Variants in POLR2F observed in about 807,000 individuals in gnomAD.
The protein encoded by POLR2F is DNA-directed RNA polymerases I, II, and III subunit RPABC2.
Under a neutral mutation model 22.7 loss-of-function variants are expected in POLR2F, and 12 were observed. That is an observed-to-expected ratio of 0.53 (90% confidence interval 0.34 to 0.86). POLR2F has a LOEUF of 0.86. POLR2F is among the 40% of genes least tolerant of loss of function. The pLI, the probability that POLR2F is intolerant of heterozygous loss-of-function variation, is 0.02. For missense variants in POLR2F, 126 were observed against 171.5 expected (o/e 0.73, Z 1.48); for synonymous variants, 57 against 66.0 (o/e 0.86, Z 0.66).
intron 5 of POLR2F, among the ~76,000 whole-genome samples, chr22:38,038,842 G>A (rs2085142720): frequency 6.7e-6 from 1 of 148,204 alleles, no homozygotes; most frequent in Admixed American, 6.7e-5. Flanking sequence ...CGGCCGCGGC[G>A]CCCTCCCTCT....
upstream of POLR2F, chr22:37,984,614 A>G (rs1439726832): frequency 6.9e-6 from 1 of 145,884 alleles, no homozygotes; most frequent in Non-Finnish European, 1.5e-5. This position sits in a 1 kb window ranked among gnomAD's most constrained non-coding sequence, Gnocchi z 4.4. Flanking sequence ...GGGAGGGGAG[A>G]GGAGGGAGGG....
chr22:37,989,796 G>C (rs1484354286), intron 1 of POLR2F, among the ~76,000 whole-genome samples: 1 of 152,218 alleles, frequency 6.6e-6, no homozygotes, highest in Non-Finnish European at 1.5e-5. Context: ...TAGGCTGCAA[G>C]TGCAGCTGCA....
intron 1 of POLR2F, among the ~76,000 whole-genome samples, chr22:38,002,623 C>A (rs554820926): frequency 1.1e-3 from 169 of 152,196 alleles, no homozygotes; most frequent in African/African-American, 3.7e-3. Context: ...TCAGCTGTGT[C>A]TGGGGGCAAC....
intron 1 of POLR2F, among the ~76,000 whole-genome samples, chr22:38,003,153 CA>C (rs991193357): frequency 1.3e-5 from 2 of 152,034 alleles, no homozygotes; most frequent in Non-Finnish European, 2.9e-5. Flanking sequence ...ATGTGGAGAA[CA>C]GGGGAGGGGT....
intron 1 of POLR2F, among the ~76,000 whole-genome samples, chr22:38,015,197 GC>G (rs2084906218): frequency 6.6e-6 from 1 of 152,212 alleles, no homozygotes; most frequent in Admixed American, 6.5e-5. Flanking sequence ...ATTTCCTCAA[GC>G]ACTGGAGTGT....
At chr22:38,013,930 T>C (rs971839522) in intron 1 of POLR2F, among the ~76,000 whole-genome samples, 5 of 151,930 alleles carry the variant, frequency 3.3e-5, no homozygotes, top group Admixed American at 3.3e-4. Flanking sequence ...CAAGACCAGC[T>C]TGACCAACAT....
At chr22:37,987,469 G>C (rs905987897) in intron 1 of POLR2F, 4 of 334,950 alleles carry the variant, frequency 1.2e-5, no homozygotes, top group Non-Finnish European at 2.3e-5. Context: ...CTTTATGGAA[G>C]GCTCCGCCTG....
intron 5 of POLR2F, among the ~76,000 whole-genome samples, chr22:38,039,820 C>T (rs964924862): frequency 5.3e-5 from 8 of 152,200 alleles, no homozygotes; most frequent in Non-Finnish European, 1.0e-4. Flanking sequence ...CCTGGCGGCC[C>T]TCAAGGAAGA....
intron 3 of POLR2F, among the ~76,000 whole-genome samples, chr22:37,962,733 C>T (rs1931697074): frequency 6.6e-6 from 1 of 152,156 alleles, no homozygotes; most frequent in East Asian, 1.9e-4. Context: ...CTCTGTCACC[C>T]AGGCTGGAGT....
chr22:38,021,309 A>G (rs1047328261), intron 1 of POLR2F, among the ~76,000 whole-genome samples: 1 of 152,158 alleles, frequency 6.6e-6, no homozygotes, highest in Non-Finnish European at 1.5e-5. Context: ...GAACTTGGCC[A>G]TGGGGCTGCC....
At chr22:37,987,199 G>A (rs1354019246) in intron 1 of POLR2F, 6 of 456,286 alleles carry the variant, frequency 1.3e-5, no homozygotes, top group Admixed American at 7.0e-5. Context: ...TGAGTGTAAT[G>A]GTGGAAATCC....
At chr22:37,960,228 CTT>C (rs1242397751) in intron 3 of POLR2F, among the ~76,000 whole-genome samples, 31 of 139,116 alleles carry the variant, frequency 2.2e-4, no homozygotes, top group Non-Finnish European at 2.8e-4. Context: ...ATTTTCTTTT[CTT>C]TTTTTTTTTT....
In POLR2F at chr22:37,962,164, G is replaced by A. The variant is rs140179568; in HGVS notation, c.221+2688G>A. On this transcript the variant is annotated intron_variant, in intron 3 of 4. Coordinates refer to ENST00000442738, the MANE Select transcript of POLR2F (RefSeq NM_021974.5). ...GAGGATCACCTAAGGCCAGGAGGTTGAGGCTGCAGTGAACTGTGATCGCAC... is the reference window on the plus strand; with the variant it reads ...GAGGATCACCTAAGGCCAGGAGGTTAAGGCTGCAGTGAACTGTGATCGCAC... 3.2e-3 allele frequency among the ~76,000 whole-genome samples: 482 copies of A among 152,222 alleles called. 3 individuals are homozygous for A. Among genetic ancestry groups the A allele is most frequent in the African/African-American group, 0.011 (465 of 41,534 alleles).
chr22:38,011,597 GCTTT>G (rs1485790255), intron 1 of POLR2F, among the ~76,000 whole-genome samples: 2 of 151,754 alleles, frequency 1.3e-5, no homozygotes, highest in Non-Finnish European at 2.9e-5. Context: ...CTATTCTTGG[GCTTT>G]CTATTTTTCC....
At position 38,017,484 on chromosome 22, in the gene POLR2F, C is replaced by T. The variant is rs1053036415; in HGVS notation, c.121-8385C>T. 2.0e-5 allele frequency among the ~76,000 whole-genome samples: 3 copies of T among 152,266 alleles called. No individual in the cohort carries two copies. Among genetic ancestry groups the T allele is most frequent in the South Asian group, 2.1e-4 (1 of 4,804 alleles). ...TTCTGCCAAGGGCTCCCAAGTTGTT[C>T]GCCATCTCTGGGCCTGTGGGTGTCT... On this transcript the variant is annotated intron_variant, in intron 1 of 2. Transcript: ENST00000333418. This position sits in a 1 kb window ranked among gnomAD's most constrained non-coding sequence, Gnocchi z 4.1.
At chr22:38,039,691 C>G (rs1159715019) in intron 5 of POLR2F, among the ~76,000 whole-genome samples, 1 of 152,244 alleles carries the variant, frequency 6.6e-6, no homozygotes, top group Non-Finnish European at 1.5e-5. Flanking sequence ...AAAGGCACTG[C>G]TGGCGAAGAA....
chr22:38,009,110 C>T (rs918761395), intron 1 of POLR2F, among the ~76,000 whole-genome samples: 3 of 152,050 alleles, frequency 2.0e-5, no homozygotes, highest in Admixed American at 6.6e-5. Flanking sequence ...GGAGCGTGGC[C>T]GGAGCGTTCT....
rs1025637733 is a variant in POLR2F at position 37,980,221 on chromosome 22, G to A, written c.293+13051G>A. 6.6e-6 allele frequency among the ~76,000 whole-genome samples: 1 copy of A among 152,130 alleles called. No homozygotes were observed. The highest frequency in any genetic ancestry group is 1.5e-5 in the Non-Finnish European group (1 of 68,020). On this transcript the variant is annotated intron_variant, in intron 4 of 4. Transcript: ENST00000405557. This position sits in a 1 kb window ranked among gnomAD's most constrained non-coding sequence, Gnocchi z 4.1. Reference sequence around the variant, plus strand: ...TCTGACGGCTGGGACCAGGGGAGGGGGTGGAGCAGGCCTTGAGGGTGTGAC... The same window carrying A: ...TCTGACGGCTGGGACCAGGGGAGGGAGTGGAGCAGGCCTTGAGGGTGTGAC...
rs780864573 is a variant in POLR2F at position 38,016,107 on chromosome 22, G to A, written c.121-9762G>A. Among the ~76,000 whole-genome samples, 2 of 152,086 alleles carry A rather than the reference G, an allele frequency of 1.3e-5. No individual in the cohort carries two copies. The highest frequency in any genetic ancestry group is 2.4e-5 in the African/African-American group (1 of 41,396). ...ATCCTCTATGTTCCCTTCACATTAGGGGTTATGTCTTGCTCAGCCTTACAC... is the reference window on the plus strand; with the variant it reads ...ATCCTCTATGTTCCCTTCACATTAGAGGTTATGTCTTGCTCAGCCTTACAC... On this transcript the variant is annotated intron_variant, in intron 1 of 2. Coordinates refer to the POLR2F transcript ENST00000333418. The surrounding 1 kb of genome is among the most constrained non-coding windows in gnomAD (Gnocchi z 4.4).
Sources: gnomAD v4.1 joint callset for allele counts (sites outside exome capture counted in the v4.1 genomes callset) on GRCh38, gnomAD v4.1.1 for gene constraint, Gnocchi (gnomAD v3.1) non-coding constraint, MANE v1.5 for transcripts, NCBI Gene and HGNC (gene_info 2026-07-23, HGNC 2026-07-21) for gene names.